Variants in SUGCT observed in about 807,000 individuals in gnomAD.
The protein encoded by SUGCT is succinyl-CoA:glutarate CoA-transferase.
Under a neutral mutation model 55.0 loss-of-function variants are expected in SUGCT, and 41 were observed. That is an observed-to-expected ratio of 0.74 (90% CI 0.58 to 0.97). The LOEUF (loss-of-function observed/expected upper bound fraction) is 0.97, where lower values mean the gene tolerates loss of function less well. Ranked by LOEUF, SUGCT falls within the 50% of genes least tolerant of loss-of-function variation. The pLI is 0.00. For missense variants in SUGCT, 568 were observed against 547.8 expected, an observed-to-expected ratio of 1.04 and a Z score of -0.37; for synonymous variants, 187 against 200.4, an observed-to-expected ratio of 0.93 and a Z score of 0.56.
intron 9 of SUGCT, among the ~76,000 whole-genome samples, chr7:40,431,321 C>G (rs1435705571): frequency 6.6e-6 from 1 of 152,042 alleles, no homozygotes; most frequent in Non-Finnish European, 1.5e-5. Flanking sequence ...AAGGCAATAT[C>G]TAGTGTTTTT....
At chr7:40,207,417 C>A (rs1787036438) in intron 6 of SUGCT, among the ~76,000 whole-genome samples, 1 of 152,088 alleles carries the variant, frequency 6.6e-6, no homozygotes, top group African/African-American at 2.4e-5. Flanking sequence ...CGGGAAACAA[C>A]AAGTATTGGT....
chr7:40,938,422 T>G, the SUGCT span, among the ~76,000 whole-genome samples: 1 of 152,084 alleles, frequency 6.6e-6, no homozygotes, highest in Non-Finnish European at 1.5e-5. Context: ...CCCTGAAGAT[T>G]ACAAATAACA....
intron 9 of SUGCT, among the ~76,000 whole-genome samples, chr7:40,448,795 C>T (rs946971675): frequency 2.0e-5 from 3 of 152,054 alleles, no homozygotes; most frequent in African/African-American, 4.8e-5. Context: ...AAGCTGAGAT[C>T]GTGCCATTGC....
chr7:40,467,786 G>C (rs1311705155), intron 11 of SUGCT, among the ~76,000 whole-genome samples: 1 of 151,998 alleles, frequency 6.6e-6, no homozygotes, highest in Non-Finnish European at 1.5e-5. Context: ...TAGTATTATA[G>C]TAGTAATTTA....
chr7:40,139,360 C>G (rs1787868161), intron 1 of SUGCT, among the ~76,000 whole-genome samples: 1 of 152,056 alleles, frequency 6.6e-6, no homozygotes, highest in Non-Finnish European at 1.5e-5. Flanking sequence ...CCACGCCTGG[C>G]TAATTTTTGT....
chr7:40,625,285 C>T (rs546566947), intron 12 of SUGCT, among the ~76,000 whole-genome samples: 117 of 152,262 alleles, frequency 7.7e-4, no homozygotes, highest in African/African-American at 2.7e-3. Context: ...TTCATCCCCA[C>T]TTCACTCCCA....
At chr7:40,874,016 G>A in the SUGCT span, among the ~76,000 whole-genome samples, 3 of 122,324 alleles carry the variant, frequency 2.5e-5, no homozygotes, top group East Asian at 4.8e-4. Context: ...TGAGCAGGCC[G>A]TGTAGACAGG....
chr7:40,483,856 G>C lies in SUGCT; in HGVS notation c.987-12428G>C, dbSNP rs79117799. ...AATAGCAAAAGTTGGTGAGAATATT[G>C]AGCATGGTGGAAGTAGTGAATGGCA... On this transcript the variant is annotated intron_variant, in intron 11 of 13. Coordinates refer to ENST00000335693, the MANE Select transcript of SUGCT (RefSeq NM_001193313.2). 4.6e-4 allele frequency among the ~76,000 whole-genome samples: 70 copies of C among 152,282 alleles called. No homozygotes were observed. In the East Asian group the frequency reaches 0.012, roughly 25 times the overall value.
chr7:40,226,854 G>A (rs1363778044), intron 6 of SUGCT, among the ~76,000 whole-genome samples: 1 of 151,772 alleles, frequency 6.6e-6, no homozygotes, highest in Non-Finnish European at 1.5e-5. Flanking sequence ...CTTGCAGTGA[G>A]CTGAGGTCCT....
chr7:40,171,880 A>G (rs1456744289), intron 1 of SUGCT, among the ~76,000 whole-genome samples: 2 of 152,238 alleles, frequency 1.3e-5, no homozygotes, highest in African/African-American at 4.8e-5. Context: ...AAGATCTTCA[A>G]TTATCAATTG....
chr7:40,165,854 T>G (rs1784399761), intron 1 of SUGCT, among the ~76,000 whole-genome samples: 1 of 152,196 alleles, frequency 6.6e-6, no homozygotes, highest in Admixed American at 6.5e-5. Flanking sequence ...GGTGGGTGGC[T>G]CATGCCTATG....
chr7:40,320,903 G>A (rs12701816), intron 9 of SUGCT, among the ~76,000 whole-genome samples: 46,950 of 151,838 alleles, frequency 0.31, 7,631 homozygotes, highest in Non-Finnish European at 0.36. Context: ...AGTGTATGTC[G>A]TATCCAATAG....
At chr7:40,574,606 A>G (rs955592731) in intron 12 of SUGCT, among the ~76,000 whole-genome samples, 2 of 152,034 alleles carry the variant, frequency 1.3e-5, no homozygotes, top group African/African-American at 4.8e-5. Context: ...TAATTTCTGT[A>G]TTTTTAGTAG....
chr7:40,992,844 G>A, the SUGCT span, among the ~76,000 whole-genome samples: 1 of 152,106 alleles, frequency 6.6e-6, no homozygotes, highest in Non-Finnish European at 1.5e-5. Flanking sequence ...GAGCTGTTGT[G>A]AGAATTTAAG....
chr7:40,927,319 C>T, the SUGCT span, among the ~76,000 whole-genome samples: 1 of 152,050 alleles, frequency 6.6e-6, no homozygotes, highest in African/African-American at 2.4e-5. Flanking sequence ...TGTGGATTTC[C>T]TTTCTCTTGT....
chr7:40,473,037 A>T lies in SUGCT; in HGVS notation c.986+13839A>T, dbSNP rs144768816. 5.0e-3 allele frequency among the ~76,000 whole-genome samples: 755 copies of T among 152,310 alleles called. 11 individuals are homozygous for T. Among genetic ancestry groups the T allele is most frequent in the African/African-American group, 0.017 (705 of 41,574 alleles). On this transcript the variant is annotated intron_variant, in intron 11 of 13. Coordinates refer to ENST00000335693, the MANE Select transcript of SUGCT (RefSeq NM_001193313.2). ...TCTTTGATTTTTCTATGGGAAGGAA[A>T]GTATAAACTCAGTAAGAGGGAAAAG...
At chr7:40,364,042 T>G (rs1369097213) in intron 9 of SUGCT, among the ~76,000 whole-genome samples, 1 of 150,564 alleles carries the variant, frequency 6.6e-6, no homozygotes, top group Non-Finnish European at 1.5e-5. Context: ...CTCTTCTTGT[T>G]GAATTGATCC....
chr7:40,847,406 T>C (rs1486204554), intron 13 of SUGCT, among the ~76,000 whole-genome samples: 70 of 128,338 alleles, frequency 5.5e-4, no homozygotes, highest in African/African-American at 1.7e-3. Context: ...TTCTTTTCTT[T>C]CTTTCTTTTT....
At chr7:40,761,016 A>C (rs536505491) in intron 13 of SUGCT, among the ~76,000 whole-genome samples, 34 of 152,360 alleles carry the variant, frequency 2.2e-4, no homozygotes, top group African/African-American at 7.9e-4. Context: ...TTAATTTTTC[A>C]ACCATTAAAC....
Sources: allele counts gnomAD v4.1 joint callset (sites outside exome capture counted in the v4.1 genomes callset), GRCh38; gene constraint gnomAD v4.1.1; transcripts MANE v1.5; gene names NCBI Gene and HGNC (gene_info 2026-07-23, HGNC 2026-07-21).